CHCHD6: variants seen among roughly 807,000 people sequenced by gnomAD.
CHCHD6 encodes MICOS complex subunit MIC25.
In CHCHD6, 28 loss-of-function variants were observed where a neutral mutation model predicts 32.3. The observed-to-expected ratio is 0.87, with a 90% CI of 0.64 to 1.19. CHCHD6 has a LOEUF of 1.19. CHCHD6 is among the 50% of genes most tolerant of loss of function. The pLI is 0.00. For synonymous variants in CHCHD6, 122 were observed against 117.5 expected (o/e 1.04, Z -0.25); for missense variants, 333 against 307.0 (o/e 1.08, Z -0.63).
At chr3:126,864,732 TTCCTCCTCCACCATCATCTAC>T (rs1942183208) in intron 5 of CHCHD6, among the ~76,000 whole-genome samples, 1 of 45,450 alleles carries the variant, frequency 2.2e-5, no homozygotes, top group South Asian at 7.9e-4. Context: ...TCATCTCCTC[TTCCTCCTCCACCATCATCTAC>T]TCCTCCTCCA....
intron 4 of CHCHD6, among the ~76,000 whole-genome samples, chr3:126,741,550 C>T (rs996237786): frequency 2.6e-5 from 4 of 152,158 alleles, no homozygotes; most frequent in African/African-American, 9.7e-5. Flanking sequence ...ACCCTTTTGC[C>T]TGTGTCGCCT....
intron 5 of CHCHD6, among the ~76,000 whole-genome samples, chr3:126,854,636 T>C (rs1941594577): frequency 6.6e-6 from 1 of 152,212 alleles, no homozygotes; most frequent in Non-Finnish European, 1.5e-5. Flanking sequence ...GACCTTGACA[T>C]TTCCAGCTTC....
intron 4 of CHCHD6, among the ~76,000 whole-genome samples, chr3:126,809,935 A>G (rs2107530856): frequency 6.6e-6 from 1 of 152,318 alleles, no homozygotes; most frequent in South Asian, 2.1e-4. Context: ...AATCCTGTTC[A>G]GATGTGTTAT....
rs28650435 is a variant in CHCHD6 at position 126,951,166 on chromosome 3, C to T, written c.567-6250C>T. On this transcript the variant is annotated intron_variant, in intron 6 of 7. Coordinates refer to ENST00000290913, the MANE Select transcript of CHCHD6 (RefSeq NM_032343.3). Reference sequence around the variant, plus strand: ...TGATGATTTTATAAGGGGCTCTTCCCGCTTTGCATCTCTGTCTCACCTGCC... The same window carrying T: ...TGATGATTTTATAAGGGGCTCTTCCTGCTTTGCATCTCTGTCTCACCTGCC... Among the ~76,000 whole-genome samples, 574 of 152,292 alleles carry T rather than the reference C, an allele frequency of 3.8e-3. 3 individuals are homozygous for T. The highest frequency in any genetic ancestry group is 0.013 in the African/African-American group (555 of 41,554).
At chr3:126,752,090 T>C (rs1440672879) in intron 4 of CHCHD6, among the ~76,000 whole-genome samples, 1 of 152,196 alleles carries the variant, frequency 6.6e-6, no homozygotes, top group Non-Finnish European at 1.5e-5. Flanking sequence ...GACTAGCATT[T>C]TGAAATTGGC....
intron 4 of CHCHD6, among the ~76,000 whole-genome samples, chr3:126,816,704 A>AT (rs1576452255): frequency 1.3e-5 from 2 of 151,902 alleles, no homozygotes; most frequent in Admixed American, 1.3e-4. Flanking sequence ...TTATTTATTT[A>AT]TTTTTTTATA....
At chr3:126,720,155 T>G (rs550594765) in intron 1 of CHCHD6, among the ~76,000 whole-genome samples, 61 of 152,302 alleles carry the variant, frequency 4.0e-4, no homozygotes, top group African/African-American at 1.3e-3. Flanking sequence ...GAGCTGAGAT[T>G]GGAGGCGTGA....
intron 4 of CHCHD6, among the ~76,000 whole-genome samples, chr3:126,801,551 C>A (rs540575027): frequency 6.6e-6 from 1 of 152,340 alleles, no homozygotes; most frequent in Admixed American, 6.5e-5. Flanking sequence ...GTAAACAAAG[C>A]AGCCAGGAAC....
intron 1 of CHCHD6, among the ~76,000 whole-genome samples, chr3:126,725,737 A>T (rs960834633): frequency 6.6e-6 from 1 of 152,244 alleles, no homozygotes; most frequent in African/African-American, 2.4e-5. Context: ...CAGCCTCTCC[A>T]TCAGCACTTG....
chr3:126,889,668 G>A (rs907713506), intron 5 of CHCHD6, among the ~76,000 whole-genome samples: 4 of 152,226 alleles, frequency 2.6e-5, no homozygotes, highest in African/African-American at 9.7e-5. Flanking sequence ...AGGAATCCTT[G>A]CTGCAGGGTA....
chr3:126,729,383 C>T (rs559108612), intron 2 of CHCHD6, among the ~76,000 whole-genome samples: 44 of 152,260 alleles, frequency 2.9e-4, no homozygotes, highest in African/African-American at 8.7e-4. Context: ...TCCAAGGGAG[C>T]GGGGAGCGGG....
chr3:126,869,850 G>A (rs569647863), intron 5 of CHCHD6, among the ~76,000 whole-genome samples: 2 of 152,228 alleles, frequency 1.3e-5, no homozygotes, highest in East Asian at 1.9e-4. Context: ...AAAAAATTGT[G>A]TTTTGGATCT....
intron 3 of CHCHD6, 68 bp downstream of exon 3, chr3:126,730,698 C>A (rs542140031): frequency 1.5e-6 from 2 of 1,343,732 alleles, no homozygotes; most frequent in Non-Finnish European, 2.1e-6. Flanking sequence ...TCACTGGGTA[C>A]CCCTCTCCTT....
At chr3:126,959,746 C>T (rs2107611960) in intron 7 of CHCHD6, among the ~76,000 whole-genome samples, 1 of 152,352 alleles carries the variant, frequency 6.6e-6, no homozygotes, top group African/African-American at 2.4e-5. Flanking sequence ...CTGTCCACCA[C>T]AGGACCCTGA....
chr3:126,786,495 T>G (rs1938220036), intron 4 of CHCHD6, among the ~76,000 whole-genome samples: 2 of 152,158 alleles, frequency 1.3e-5, no homozygotes, highest in South Asian at 4.1e-4. Context: ...ACCTGTTGTT[T>G]CCTGACTTTT....
At chr3:126,821,703 C>G (rs1940162038) in intron 4 of CHCHD6, among the ~76,000 whole-genome samples, 1 of 152,154 alleles carries the variant, frequency 6.6e-6, no homozygotes, top group Non-Finnish European at 1.5e-5. Context: ...TCTTGTCTGT[C>G]TGTTTGATTA....
intron 4 of CHCHD6, among the ~76,000 whole-genome samples, chr3:126,779,495 C>T (rs571025572): frequency 6.8e-6 from 1 of 148,140 alleles, no homozygotes; most frequent in African/African-American, 2.5e-5. Flanking sequence ...CGAGATCGCT[C>T]CACTGCACTC....
intron 4 of CHCHD6, among the ~76,000 whole-genome samples, chr3:126,848,509 G>T (rs943402651): frequency 6.6e-6 from 1 of 152,140 alleles, no homozygotes; most frequent in Admixed American, 6.5e-5. Context: ...AATGCTAGCT[G>T]GATATCTGAT....
At chr3:126,842,532 C>T (rs1445187600) in intron 4 of CHCHD6, among the ~76,000 whole-genome samples, 5 of 152,180 alleles carry the variant, frequency 3.3e-5, no homozygotes, top group Admixed American at 1.3e-4. Flanking sequence ...AATCTGTCTT[C>T]GTAGTCCTGC....
Sources: gnomAD v4.1 joint callset for allele counts (sites outside exome capture counted in the v4.1 genomes callset) on GRCh38, gnomAD v4.1.1 for gene constraint, MANE v1.5 for transcripts, NCBI Gene and HGNC (gene_info 2026-07-23, HGNC 2026-07-21) for gene names.